ANO6: variants seen among roughly 807,000 people sequenced by gnomAD.
The protein encoded by ANO6 is anoctamin 6.
ANO6 carries 106 observed loss-of-function variants against 117.5 expected under a neutral mutation model. That is an observed-to-expected ratio of 0.90 (90% CI 0.77 to 1.06). The LOEUF (loss-of-function observed/expected upper bound fraction) is 1.06. Ranked by LOEUF, ANO6 falls within the 50% of genes least tolerant of loss-of-function variation. ANO6 has a pLI of 0.00. For missense variants in ANO6, 955 were observed against 1,121.1 expected (o/e 0.85, Z 2.12); for synonymous variants, 367 against 385.1 (o/e 0.95, Z 0.55).
chr12:45,412,164 C>A (rs1188765738), intron 16 of ANO6, among the ~76,000 whole-genome samples: 1 of 152,190 alleles, frequency 6.6e-6, no homozygotes, highest in Non-Finnish European at 1.5e-5. Flanking sequence ...TCCAAGTACA[C>A]AGACACAGAA....
rs1947544650 is a variant in ANO6, at chr12:45,229,672, G to A, written c.70+13281G>A. Among the ~76,000 whole-genome samples, 4 of 152,176 alleles carry A rather than the reference G, an allele frequency of 2.6e-5. No individual in the cohort carries two copies. In the South Asian group the frequency reaches 8.3e-4, roughly 32 times the overall value. ...CAAAGTGCTGGGATTACAGGCGTGAGCCACTGCGCCCAGCCTTATTTTAGT... is the reference window on the plus strand; with the variant it reads ...CAAAGTGCTGGGATTACAGGCGTGAACCACTGCGCCCAGCCTTATTTTAGT... On this transcript the variant is annotated intron_variant, in intron 1 of 19. Coordinates refer to ENST00000320560, the MANE Select transcript of ANO6 (RefSeq NM_001025356.3).
chr12:45,248,290 C>G (rs1947853753), intron 1 of ANO6, among the ~76,000 whole-genome samples: 1 of 152,124 alleles, frequency 6.6e-6, no homozygotes, highest in Admixed American at 6.6e-5. Flanking sequence ...AACTGACATG[C>G]AGAGTTAGCC....
chr12:45,289,827 T>A (rs868236207), intron 1 of ANO6, among the ~76,000 whole-genome samples: 2 of 152,236 alleles, frequency 1.3e-5, no homozygotes, highest in African/African-American at 4.8e-5. Flanking sequence ...TCTGTGTGTA[T>A]ATGACAAGCA....
chr12:45,285,653 C>T (rs1327312666), intron 1 of ANO6, among the ~76,000 whole-genome samples: 3 of 150,678 alleles, frequency 2.0e-5, no homozygotes, highest in South Asian at 2.1e-4. Flanking sequence ...CGCTTGAACC[C>T]GGGAGGCAGA....
chr12:45,247,653 G>A (rs2137180256), intron 1 of ANO6, among the ~76,000 whole-genome samples: 1 of 152,330 alleles, frequency 6.6e-6, no homozygotes, highest in South Asian at 2.1e-4. Context: ...ACTGTGGTCA[G>A]TTTATGGTGA....
At chr12:45,229,794 A>C (rs931280568) in intron 1 of ANO6, among the ~76,000 whole-genome samples, 1 of 152,136 alleles carries the variant, frequency 6.6e-6, no homozygotes, top group Non-Finnish European at 1.5e-5. Context: ...CTTTGGTTTT[A>C]GACAGATTTG....
chr12:45,418,744 G>A (rs999401941), intron 17 of ANO6, among the ~76,000 whole-genome samples: 1 of 152,112 alleles, frequency 6.6e-6, no homozygotes, highest in African/African-American at 2.4e-5. Flanking sequence ...GTGTGTATGT[G>A]TACAGACATT....
chr12:45,426,365 C>A (rs1055301594), intron 19 of ANO6, among the ~76,000 whole-genome samples: 1 of 152,114 alleles, frequency 6.6e-6, no homozygotes, highest in Non-Finnish European at 1.5e-5. Context: ...ACACTAATAT[C>A]TCTCACATCT....
chr12:45,296,017 T>C (rs908748360), intron 1 of ANO6, among the ~76,000 whole-genome samples: 1 of 152,098 alleles, frequency 6.6e-6, no homozygotes, highest in East Asian at 1.9e-4. Context: ...TGCACCACTA[T>C]GCCCAGCTAA....
Position 45,367,128 on chromosome 12 carries a change from C to T in ANO6, c.999-560C>T, listed in dbSNP as rs187144947. ...TCTCGAGTAGCTGGGATTACAGGCA[C>T]GCACCACCATGCTCTGCTAATTTTT... On this transcript the variant is annotated intron_variant, in intron 8 of 19. Transcript: ENST00000320560. 3.5e-4 allele frequency among the ~76,000 whole-genome samples: 53 copies of T among 152,214 alleles called. No homozygotes were observed. In the East Asian group the frequency reaches 7.0e-3, roughly 20 times the overall value.
intron 1 of ANO6, among the ~76,000 whole-genome samples, chr12:45,224,979 G>A (rs899185536): frequency 7.9e-5 from 12 of 152,116 alleles, no homozygotes; most frequent in Non-Finnish European, 1.5e-5. Flanking sequence ...TTGCTTGAGC[G>A]AAAGAGTTTG....
chr12:45,305,114 A>T (rs897013652), intron 2 of ANO6, among the ~76,000 whole-genome samples: 12 of 152,160 alleles, frequency 7.9e-5, no homozygotes, highest in African/African-American at 2.7e-4. Flanking sequence ...GTGAATAGAG[A>T]TGTGAACATA....
At chr12:45,284,916 G>C (rs1056813253) in intron 1 of ANO6, among the ~76,000 whole-genome samples, 1 of 152,162 alleles carries the variant, frequency 6.6e-6, no homozygotes, top group Non-Finnish European at 1.5e-5. Flanking sequence ...TTACTCCCTA[G>C]GGAGGGGCAA....
At position 45,227,592 on chromosome 12, in the gene ANO6, A is replaced by G. The variant is rs147141341; in HGVS notation, c.70+11201A>G. Among the ~76,000 whole-genome samples the G allele has an allele frequency of 4.3e-3, 654 of 152,160 alleles. 6 individuals carry two copies. Among genetic ancestry groups the G allele is most frequent in the African/African-American group, 0.015 (619 of 41,530 alleles). On this transcript the variant is annotated intron_variant, in intron 1 of 19. Transcript: ENST00000320560. ...AGACACTTATGAGGGCAGTTACATTATCACCCTCATAATAAATTCTTTTTC... is the reference window on the plus strand; with the variant it reads ...AGACACTTATGAGGGCAGTTACATTGTCACCCTCATAATAAATTCTTTTTC...
At chr12:45,408,158 C>T (rs1357350903) in intron 15 of ANO6, among the ~76,000 whole-genome samples, 1 of 152,196 alleles carries the variant, frequency 6.6e-6, no homozygotes, top group Non-Finnish European at 1.5e-5. Context: ...GGATGAGGGT[C>T]TGCCTGGTTT....
intron 1 of ANO6, 91 bp downstream of exon 1, chr12:45,216,482 G>A: frequency 1.4e-6 from 2 of 1,443,924 alleles, no homozygotes; most frequent in Admixed American, 2.0e-5. Context: ...TGCTCTCCGC[G>A]GGGGAGGTTG....
chr12:45,436,942 G>A (rs570227221), downstream of ANO6, among the ~76,000 whole-genome samples: 1 of 152,106 alleles, frequency 6.6e-6, no homozygotes, highest in Non-Finnish European at 1.5e-5. Context: ...CTCCAGCCTG[G>A]GCAACAAGAG....
chr12:45,273,351 G>A (rs1938449373), intron 1 of ANO6, among the ~76,000 whole-genome samples: 1 of 152,108 alleles, frequency 6.6e-6, no homozygotes, highest in African/African-American at 2.4e-5. Flanking sequence ...AGAAAGGATG[G>A]CCAATTTTGA....
intron 16 of ANO6, among the ~76,000 whole-genome samples, chr12:45,413,471 G>A (rs1943137458): frequency 1.3e-5 from 2 of 152,240 alleles, no homozygotes; most frequent in African/African-American, 4.8e-5. Context: ...ATGTCCATTA[G>A]AAAGTTGGAC....
Sources: gnomAD v4.1 joint callset for allele counts (sites outside exome capture counted in the v4.1 genomes callset) on GRCh38, gnomAD v4.1.1 for gene constraint, MANE v1.5 for transcripts, NCBI Gene and HGNC (gene_info 2026-07-23, HGNC 2026-07-21) for gene names.